SCAPER: variants seen among roughly 807,000 people sequenced by gnomAD.
SCAPER encodes the protein S phase cyclin A-associated protein in the endoplasmic reticulum.
Under a neutral mutation model 182.2 loss-of-function variants are expected in SCAPER, and 98 were observed. That is an observed-to-expected ratio of 0.54 (90% CI 0.46 to 0.64). SCAPER has a LOEUF of 0.64. Among genes scored for constraint, SCAPER ranks in the 30% least tolerant of loss-of-function variants. SCAPER has a pLI of 0.00. For missense variants in SCAPER, 1,432 were observed against 1,690.0 expected (o/e 0.85, Z 2.68); for synonymous variants, 605 against 564.6 (o/e 1.07, Z -1.01).
intron 23 of SCAPER, among the ~76,000 whole-genome samples, chr15:76,540,554 T>C (rs1187042993): frequency 2.0e-5 from 3 of 151,768 alleles, no homozygotes; most frequent in Non-Finnish European, 4.4e-5. Context: ...AATATATGAG[T>C]GTATATGTAT....
At chr15:76,631,922 CT>C (rs1300009269) in intron 21 of SCAPER, among the ~76,000 whole-genome samples, 2 of 152,204 alleles carry the variant, frequency 1.3e-5, no homozygotes, top group African/African-American at 2.4e-5. Flanking sequence ...TCAGTTACCC[CT>C]ATCAGTCACA....
At chr15:76,823,897 C>T (rs1361136384) in intron 5 of SCAPER, among the ~76,000 whole-genome samples, 2 of 148,696 alleles carry the variant, frequency 1.3e-5, no homozygotes, top group Non-Finnish European at 3.0e-5. Context: ...CTACTGATTT[C>T]TTTTTGGAAA....
intron 27 of SCAPER, among the ~76,000 whole-genome samples, chr15:76,401,156 C>T (rs996562659): frequency 6.6e-6 from 1 of 152,024 alleles, no homozygotes; most frequent in Middle Eastern, 3.4e-3. Flanking sequence ...ATATGATAAT[C>T]TTATATCATA....
At chr15:76,376,369 A>T in intron 28 of SCAPER, 58 bp from the exon 29 acceptor site, 2 of 1,519,336 alleles carry the variant, frequency 1.3e-6, no homozygotes, top group South Asian at 2.6e-5. Context: ...AGGGCTGCAA[A>T]TCACAAAGCA....
intron 15 of SCAPER, among the ~76,000 whole-genome samples, chr15:76,744,350 C>A (rs902872220): frequency 3.9e-5 from 6 of 152,100 alleles, no homozygotes; most frequent in Non-Finnish European, 8.8e-5. Flanking sequence ...AGTAAAAAGA[C>A]AACCTACAGA....
At position 76,406,662 on chromosome 15, in the gene SCAPER, TAAAAG is replaced by T. The variant is rs1263939018; in HGVS notation, c.3312-1988_3312-1984del. On this transcript the variant is annotated intron_variant, in intron 26 of 31. Coordinates refer to ENST00000563290, the MANE Select transcript of SCAPER (RefSeq NM_020843.4). The stretch of plus-strand genomic sequence containing the variant: ...CACACACACACACTAGCAAACAAAA[TAAAAG>T]AAAGTGTTTTATCTTAATCATCCCA... 2.0e-5 allele frequency among the ~76,000 whole-genome samples: 3 copies of T among 150,116 alleles called. No individual in the cohort carries two copies. The East Asian group carries it at 5.9e-4, about 29-fold the overall frequency.
At chr15:76,637,451 A>G (rs11852777) in intron 21 of SCAPER, among the ~76,000 whole-genome samples, 49,222 of 151,540 alleles carry the variant, frequency 0.32, 8,250 homozygotes, top group East Asian at 0.55. Context: ...GTGGCTCACC[A>G]CCTGTAACAC....
chr15:76,722,339 T>C (rs188826164), intron 17 of SCAPER, among the ~76,000 whole-genome samples: 12 of 152,352 alleles, frequency 7.9e-5, no homozygotes, highest in African/African-American at 2.9e-4. Context: ...CAGTATTTTA[T>C]TGAGGATTTT....
At chr15:76,645,073 A>C (rs2054431030) in intron 21 of SCAPER, among the ~76,000 whole-genome samples, 1 of 152,136 alleles carries the variant, frequency 6.6e-6, no homozygotes, top group Non-Finnish European at 1.5e-5. Context: ...TTATTCCCTA[A>C]ACAATACATA....
chr15:76,491,793 G>A (rs981612812), intron 24 of SCAPER, among the ~76,000 whole-genome samples: 3 of 152,040 alleles, frequency 2.0e-5, no homozygotes, highest in South Asian at 2.1e-4. Flanking sequence ...CACCACACCC[G>A]GCTAATTTTT....
intron 21 of SCAPER, among the ~76,000 whole-genome samples, chr15:76,640,423 G>A (rs1027678517): frequency 6.6e-6 from 1 of 152,306 alleles, no homozygotes; most frequent in Non-Finnish European, 1.5e-5. Context: ...GATAATTTAA[G>A]TTTAGACATA....
At chr15:76,611,186 G>C (rs944801704) in intron 22 of SCAPER, among the ~76,000 whole-genome samples, 1 of 151,986 alleles carries the variant, frequency 6.6e-6, no homozygotes, top group Non-Finnish European at 1.5e-5. Flanking sequence ...TCAACAAATG[G>C]TGTTAGGAAA....
intron 23 of SCAPER, among the ~76,000 whole-genome samples, chr15:76,511,837 A>ATGTGTG (rs1458148092): frequency 3.3e-5 from 1 of 30,158 alleles, no homozygotes; most frequent in Admixed American, 4.6e-4. Context: ...TATTATATAT[A>ATGTGTG]TATATATGTG....
At chr15:76,848,899 C>T (rs915668523) in intron 4 of SCAPER, among the ~76,000 whole-genome samples, 4 of 152,156 alleles carry the variant, frequency 2.6e-5, no homozygotes, top group African/African-American at 9.6e-5. Context: ...GAATGCAGAA[C>T]AGTCACCCCA....
rs963401773 is a variant in SCAPER, at chr15:76,815,930, A to G, written c.394-11297T>C. The stretch of plus-strand genomic sequence containing the variant: ...TACTGAATACTACAGGCCAAGAGTA[A>G]CACAATGTTAAGTATCTGTGCATCT... On this transcript the variant is annotated intron_variant, in intron 5 of 31. Transcript: ENST00000563290. 3.3e-5 allele frequency among the ~76,000 whole-genome samples: 5 copies of G among 152,218 alleles called. 1 individual carries two copies.
intron 8 of SCAPER, among the ~76,000 whole-genome samples, chr15:76,779,504 T>G (rs192971497): frequency 6.6e-6 from 1 of 152,136 alleles, no homozygotes; most frequent in African/African-American, 2.4e-5. Flanking sequence ...AAAGATAAAA[T>G]AGACAATCTG....
At chr15:76,800,757 G>C (rs1471416816) in intron 6 of SCAPER, among the ~76,000 whole-genome samples, 1 of 152,222 alleles carries the variant, frequency 6.6e-6, no homozygotes, top group Non-Finnish European at 1.5e-5. Context: ...TGGAGAGTTT[G>C]TGAAACATGT....
chr15:76,656,692 C>A (rs1284421329), intron 21 of SCAPER, among the ~76,000 whole-genome samples: 4 of 152,122 alleles, frequency 2.6e-5, no homozygotes, highest in Non-Finnish European at 5.9e-5. Flanking sequence ...ATCATACCAA[C>A]TACAATCTCA....
intron 22 of SCAPER, among the ~76,000 whole-genome samples, chr15:76,616,862 T>C (rs1474845635): frequency 1.3e-5 from 2 of 152,150 alleles, no homozygotes; most frequent in African/African-American, 4.8e-5. Flanking sequence ...AAGTTTTCAA[T>C]CATCATAAGC....
Sources: allele counts gnomAD v4.1 joint callset (sites outside exome capture counted in the v4.1 genomes callset), GRCh38; gene constraint gnomAD v4.1.1; transcripts MANE v1.5; gene names NCBI Gene and HGNC (gene_info 2026-07-23, HGNC 2026-07-21).